Variants in MYT1L observed in about 807,000 individuals in gnomAD.
MYT1L encodes myelin transcription factor 1 like.
Under a neutral mutation model 126.7 loss-of-function variants are expected in MYT1L, and 12 were observed. The observed-to-expected ratio is 0.09, with a 90% confidence interval of 0.06 to 0.15. The LOEUF is 0.15. MYT1L is among the 10% of genes least tolerant of loss of function. MYT1L has a pLI of 1.00. For synonymous variants in MYT1L, 541 were observed against 604.2 expected (o/e 0.90, Z 1.53); for missense variants, 979 against 1,585.2 (o/e 0.62, Z 6.49).
At chr2:2,208,813 G>T (rs897010821) in intron 2 of MYT1L, among the ~76,000 whole-genome samples, 2 of 152,056 alleles carry the variant, frequency 1.3e-5, no homozygotes, top group African/African-American at 4.8e-5. Flanking sequence ...TGATACCTCA[G>T]AAAGGCACAT....
intron 2 of MYT1L, among the ~76,000 whole-genome samples, chr2:2,227,847 G>A (rs923152654): frequency 6.6e-6 from 1 of 152,134 alleles, no homozygotes; most frequent in African/African-American, 2.4e-5. Context: ...ATTTTGCCCT[G>A]ATTTATATTA....
At chr2:2,073,552 T>C (rs2074866889) in intron 3 of MYT1L, among the ~76,000 whole-genome samples, 2 of 152,150 alleles carry the variant, frequency 1.3e-5, no homozygotes, top group Admixed American at 1.3e-4. Flanking sequence ...AAGACCTTTA[T>C]TGGGTTCCCA....
At chr2:1,892,635 C>G (rs1161622081) in intron 14 of MYT1L, among the ~76,000 whole-genome samples, 1 of 151,912 alleles carries the variant, frequency 6.6e-6, no homozygotes, top group South Asian at 2.1e-4. Context: ...TTTTAGGAGC[C>G]GCAGGGTGTA....
chr2:2,289,773 G>T (rs184173926), intron 1 of MYT1L, among the ~76,000 whole-genome samples: 3 of 152,216 alleles, frequency 2.0e-5, no homozygotes, highest in Non-Finnish European at 4.4e-5. Context: ...TATCTGAGAC[G>T]TTAGGTGAGT....
chr2:1,935,795 T>C (rs1193315435), intron 9 of MYT1L, among the ~76,000 whole-genome samples: 2 of 152,230 alleles, frequency 1.3e-5, no homozygotes, highest in African/African-American at 4.8e-5. Context: ...TAAACTGTTA[T>C]TTTCTTAGAG....
chr2:2,056,284 G>A (rs2069544820), intron 3 of MYT1L, among the ~76,000 whole-genome samples: 1 of 152,144 alleles, frequency 6.6e-6, no homozygotes, highest in Non-Finnish European at 1.5e-5. Flanking sequence ...CTCCAGGCGT[G>A]AGGACACACC....
intron 3 of MYT1L, among the ~76,000 whole-genome samples, chr2:2,163,207 T>C (rs2088327493): frequency 6.6e-6 from 1 of 152,048 alleles, no homozygotes; most frequent in African/African-American, 2.4e-5. Context: ...CCCAACCTTG[T>C]TTTTCTTTCT....
chr2:2,157,644 T>C (rs2086944542), intron 3 of MYT1L, among the ~76,000 whole-genome samples: 1 of 152,230 alleles, frequency 6.6e-6, no homozygotes, highest in Non-Finnish European at 1.5e-5. Context: ...GATGAAACAT[T>C]GAGACACGCC....
In MYT1L at chr2:1,923,044, T is replaced by A; in HGVS notation, c.725A>T (p.Asn242Ile). 6.2e-7 allele frequency: 1 copy of A among 1,613,972 alleles called. No individual in the cohort carries two copies. Among genetic ancestry groups the A allele is most frequent in the Non-Finnish European group, 8.5e-7 (1 of 1,179,884 alleles). Residue 242 changes from asparagine to isoleucine, a missense_variant, in exon 10 of 25, where the codon AAC (asparagine) becomes ATC (isoleucine). Physicochemically the swap from Asn to Ile is moderately radical, Grantham distance 149. This residue lies in a region of MYT1L where 243 missense variants were observed against 363.9 expected (regional missense o/e 0.67). Coordinates refer to ENST00000647738, the MANE Select transcript of MYT1L (RefSeq NM_001303052.2). Reference protein sequence around the residue: ...SLEDDSDKNENLGRKSELSLD... With the variant: ...SLEDDSDKNEILGRKSELSLD... The stretch of plus-strand genomic sequence containing the variant: ...ACTCAACTCACTTTTCCGACCCAGG[T>A]TTTCGTTTTTGTCACTATCGTCTTC...
At chr2:2,195,181 T>C (rs1436425165) in intron 2 of MYT1L, among the ~76,000 whole-genome samples, 2 of 152,238 alleles carry the variant, frequency 1.3e-5, no homozygotes, top group Non-Finnish European at 2.9e-5. Context: ...CAGCATTTAT[T>C]GATACCAAAG....
At chr2:2,071,503 C>T (rs1168974083) in intron 3 of MYT1L, among the ~76,000 whole-genome samples, 1 of 152,120 alleles carries the variant, frequency 6.6e-6, no homozygotes, top group African/African-American at 2.4e-5. Context: ...CCTTACAATA[C>T]AGAAAAGCTC....
At chr2:1,901,182 C>T (rs1178094694) in intron 14 of MYT1L, among the ~76,000 whole-genome samples, 1 of 152,160 alleles carries the variant, frequency 6.6e-6, no homozygotes, top group East Asian at 1.9e-4. Flanking sequence ...CATGACTTCA[C>T]CCAGAAGCCC....
chr2:1,854,167 G>A (rs1047643461), intron 18 of MYT1L, among the ~76,000 whole-genome samples: 2 of 152,068 alleles, frequency 1.3e-5, no homozygotes, highest in Non-Finnish European at 2.9e-5. Flanking sequence ...TGCATTTCTC[G>A]GGTGGGATGG....
At chr2:2,184,689 G>T (rs982002910) in intron 2 of MYT1L, among the ~76,000 whole-genome samples, 1 of 152,060 alleles carries the variant, frequency 6.6e-6, no homozygotes, top group Non-Finnish European at 1.5e-5. Context: ...CCCACCAATG[G>T]GCTGGCGGCC....
At chr2:2,240,631 T>C (rs1254517027) in intron 2 of MYT1L, among the ~76,000 whole-genome samples, 1 of 152,232 alleles carries the variant, frequency 6.6e-6, no homozygotes, top group Non-Finnish European at 1.5e-5. Context: ...ATGCAGCTCT[T>C]ACTTCCATAT....
rs554000752 is a variant in MYT1L, at chr2:1,820,738, T to C, written c.3081-11571A>G. Reference sequence around the variant, plus strand: ...ATTTTTAAATTTTTTGTAGAGATGATGTCTTGCCATGTTGCCCAGGTTGGT... The same window carrying C: ...ATTTTTAAATTTTTTGTAGAGATGACGTCTTGCCATGTTGCCCAGGTTGGT... On this transcript the variant is annotated intron_variant, in intron 21 of 24. Transcript: ENST00000647738. 2.2e-4 allele frequency among the ~76,000 whole-genome samples: 34 copies of C among 152,202 alleles called. 1 individual carries two copies. Among genetic ancestry groups the C allele is most frequent in the African/African-American group, 6.0e-4 (25 of 41,528 alleles).
At chr2:2,159,846 G>A (rs369775383) in intron 3 of MYT1L, among the ~76,000 whole-genome samples, 7 of 152,100 alleles carry the variant, frequency 4.6e-5, no homozygotes, top group African/African-American at 1.7e-4. Context: ...GGGCTCTTCT[G>A]TTTGCTACTT....
intron 19 of MYT1L, among the ~76,000 whole-genome samples, chr2:1,844,047 T>G (rs1009901486): frequency 1.3e-5 from 2 of 152,180 alleles, no homozygotes; most frequent in Non-Finnish European, 2.9e-5. Context: ...TCTGGGGCAC[T>G]AGCCCAGGGC....
chr2:1,998,779 A>G (rs2062098264), intron 4 of MYT1L, among the ~76,000 whole-genome samples: 1 of 152,058 alleles, frequency 6.6e-6, no homozygotes, highest in Non-Finnish European at 1.5e-5. Context: ...TGAACTCTGA[A>G]CTATCTTACA....
Sources: gnomAD v4.1 joint callset for allele counts (sites outside exome capture counted in the v4.1 genomes callset) on GRCh38, gnomAD v4.1.1 for gene constraint, gnomAD v4.1.1 regional missense constraint, MANE v1.5 for transcripts, NCBI Gene and HGNC (gene_info 2026-07-23, HGNC 2026-07-21) for gene names.